SHISA9: variants seen among roughly 807,000 people sequenced by gnomAD.
The protein encoded by SHISA9 is shisa family member 9, also known as protein shisa-9.
Under a neutral mutation model 38.0 loss-of-function variants are expected in SHISA9, and 13 were observed. The observed-to-expected ratio is 0.34, with a 90% confidence interval of 0.22 to 0.54. The LOEUF (loss-of-function observed/expected upper bound fraction) is 0.54, where lower values mean the gene tolerates loss of function less well. Among genes scored for constraint, SHISA9 ranks in the 20% least tolerant of loss-of-function variants. The pLI, the probability that SHISA9 is intolerant of heterozygous loss-of-function variation, is 0.91. For synonymous variants in SHISA9, 275 were observed against 242.0 expected (o/e 1.14, Z -1.27); for missense variants, 538 against 575.8 (o/e 0.93, Z 0.67).
chr16:13,547,125 T>C, the SHISA9 span, among the ~76,000 whole-genome samples: 259 of 152,376 alleles, frequency 1.7e-3, 3 homozygotes, highest in Middle Eastern at 0.01. Flanking sequence ...CATGCATTTA[T>C]TGCTTTACTT....
downstream of SHISA9, among the ~76,000 whole-genome samples, chr16:13,242,310 A>G (rs967147811): frequency 2.6e-5 from 4 of 152,162 alleles, no homozygotes; most frequent in Admixed American, 2.0e-4. Context: ...AGCTCCCTCA[A>G]AGAGCTTCAG....
At position 13,139,063 on chromosome 16, in the gene SHISA9, T is replaced by C. The variant is rs962215049; in HGVS notation, c.692-64331T>C. Among the ~76,000 whole-genome samples, 3 of 152,194 alleles carry C rather than the reference T, an allele frequency of 2.0e-5. No homozygotes were observed. In the South Asian group the frequency reaches 6.2e-4, roughly 32 times the overall value. ...ATTAGAGGAATGAAGTTGTCACCACTACAGTGCCATTACCTTCCACTGTGG... is the reference window on the plus strand; with the variant it reads ...ATTAGAGGAATGAAGTTGTCACCACCACAGTGCCATTACCTTCCACTGTGG... On this transcript the variant is annotated intron_variant, in intron 2 of 4. Transcript: ENST00000558583.
At chr16:13,550,990 G>A in the SHISA9 span, among the ~76,000 whole-genome samples, 1 of 152,126 alleles carries the variant, frequency 6.6e-6, no homozygotes, top group Non-Finnish European at 1.5e-5. Flanking sequence ...GGGCATGTTG[G>A]TGGGTGCCTG....
At chr16:13,419,012 G>T in the SHISA9 span, among the ~76,000 whole-genome samples, 1 of 152,306 alleles carries the variant, frequency 6.6e-6, no homozygotes, top group South Asian at 2.1e-4. Flanking sequence ...TATGTAAGTA[G>T]TTGAAGAAAA....
chr16:12,981,497 C>T (rs77722259), intron 2 of SHISA9, among the ~76,000 whole-genome samples: 1,582 of 152,304 alleles, frequency 0.01, 13 homozygotes, highest in Middle Eastern at 0.058. Context: ...CAAATCAGCA[C>T]GCAGCCACTC....
the SHISA9 span, among the ~76,000 whole-genome samples, chr16:13,321,403 A>T: frequency 6.6e-6 from 1 of 152,236 alleles, no homozygotes; most frequent in African/African-American, 2.4e-5. Context: ...TTCCTGCCAT[A>T]GGCCTGAAAT....
intron 1 of SHISA9, among the ~76,000 whole-genome samples, chr16:12,915,501 C>A (rs538383368): frequency 6.6e-6 from 1 of 152,122 alleles, no homozygotes; most frequent in Non-Finnish European, 1.5e-5. Context: ...GAGTTGGTGA[C>A]CATCTAGATG....
chr16:13,053,965 C>G (rs1030157814), intron 2 of SHISA9, among the ~76,000 whole-genome samples: 4 of 152,212 alleles, frequency 2.6e-5, no homozygotes, highest in African/African-American at 9.6e-5. Context: ...ACGATTCCAG[C>G]TGGAGGAGTC....
chr16:13,167,270 C>G (rs2050646143), intron 2 of SHISA9, among the ~76,000 whole-genome samples: 1 of 152,000 alleles, frequency 6.6e-6, no homozygotes, highest in Admixed American at 6.6e-5. Context: ...TAGGGTTTCT[C>G]CATGTTGATC....
At chr16:13,089,247 T>C (rs1332396142) in intron 2 of SHISA9, among the ~76,000 whole-genome samples, 2 of 152,210 alleles carry the variant, frequency 1.3e-5, no homozygotes, top group Non-Finnish European at 1.5e-5. Flanking sequence ...ATCAGGGATA[T>C]TGGTCTAAAA....
At chr16:12,922,435 C>T (rs1337164886) in intron 2 of SHISA9, among the ~76,000 whole-genome samples, 1 of 152,242 alleles carries the variant, frequency 6.6e-6, no homozygotes, top group South Asian at 2.1e-4. Flanking sequence ...CCTCTTTCAC[C>T]TCATACCCCA....
At chr16:13,019,955 CT>C (rs1567184281) in intron 2 of SHISA9, among the ~76,000 whole-genome samples, 11 of 107,012 alleles carry the variant, frequency 1.0e-4, no homozygotes, top group East Asian at 2.5e-4. Context: ...TTCTTTCTTT[CT>C]TTCCCTCCTT....
chr16:13,054,223 C>T (rs1364511186), intron 2 of SHISA9, among the ~76,000 whole-genome samples: 6 of 152,276 alleles, frequency 3.9e-5, no homozygotes, highest in East Asian at 1.9e-4. Flanking sequence ...CTCCACCTAA[C>T]GAGCCTCAGT....
At chr16:13,349,512 C>T in the SHISA9 span, among the ~76,000 whole-genome samples, 2 of 152,210 alleles carry the variant, frequency 1.3e-5, no homozygotes, top group Non-Finnish European at 2.9e-5. Context: ...AGCTCTAATA[C>T]CACACAGAGC....
chr16:13,090,221 A>G (rs1025348187), intron 2 of SHISA9, among the ~76,000 whole-genome samples: 7 of 152,134 alleles, frequency 4.6e-5, no homozygotes, highest in African/African-American at 1.4e-4. Context: ...TTTACTTCCA[A>G]TTATGTGGTC....
the SHISA9 span, among the ~76,000 whole-genome samples, chr16:13,529,955 A>C: frequency 6.6e-6 from 1 of 152,348 alleles, no homozygotes; most frequent in South Asian, 2.1e-4. Context: ...ACAAGAGCAG[A>C]AGCTTACTAC....
intron 2 of SHISA9, among the ~76,000 whole-genome samples, chr16:13,041,306 T>C (rs1292487595): frequency 6.6e-6 from 1 of 152,238 alleles, no homozygotes; most frequent in Non-Finnish European, 1.5e-5. Context: ...CCTTGGGCTC[T>C]AGTTTTCATA....
At chr16:12,926,975 C>T (rs549823657) in intron 2 of SHISA9, among the ~76,000 whole-genome samples, 158 of 152,226 alleles carry the variant, frequency 1.0e-3, no homozygotes, top group Middle Eastern at 6.8e-3. Context: ...ATAAGAATGC[C>T]AGGTCGGCCA....
the SHISA9 span, among the ~76,000 whole-genome samples, chr16:13,358,708 C>A: frequency 6.6e-6 from 1 of 152,226 alleles, no homozygotes; most frequent in Admixed American, 6.5e-5. Flanking sequence ...AAGATGGGAA[C>A]CCCTCTCTGC....
Sources: gnomAD v4.1 joint callset for allele counts (sites outside exome capture counted in the v4.1 genomes callset) on GRCh38, gnomAD v4.1.1 for gene constraint, MANE v1.5 for transcripts, NCBI Gene and HGNC (gene_info 2026-07-23, HGNC 2026-07-21) for gene names.